Variants in EPPIN observed in about 807,000 individuals in gnomAD.
EPPIN encodes WAP four-disulfide core domain protein 7.
EPPIN carries 14 observed loss-of-function variants against 18.8 expected under a neutral mutation model. The ratio of observed to expected loss-of-function variants is 0.75; its 90% CI spans 0.49 to 1.17. The LOEUF (loss-of-function observed/expected upper bound fraction) is 1.17, where lower values mean the gene tolerates loss of function less well. Among genes scored for constraint, EPPIN ranks in the 50% most tolerant of loss-of-function variants. The pLI, the probability that EPPIN is intolerant of heterozygous loss-of-function variation, is 0.00. For missense variants in EPPIN, 143 were observed against 154.2 expected (o/e 0.93, Z 0.39); for synonymous variants, 57 against 54.8 (o/e 1.04, Z -0.18).
At chr20:45,545,598 G>C in intron 2 of EPPIN, 41 bp downstream of exon 2, 2 of 1,613,198 alleles carry the variant, frequency 1.2e-6, no homozygotes, top group South Asian at 1.1e-5. Flanking sequence ...GGTGAGGACA[G>C]GGGGAGGAGG....
rs115336187 is a variant in EPPIN, at chr20:45,545,530, T to C, written c.223+109A>G. 1.6e-3 allele frequency: 2,550 copies of C among 1,574,286 alleles called. 22 individuals are homozygous for C. The African/African-American group carries it at 0.018, about 11-fold the overall frequency. ...ATCGCAGGTCTCCCAAGTCCAGCAG[T>C]TTTGCCAGAGACCAGCCCTCAGCGA... On this transcript the variant is annotated intron_variant, in intron 2 of 3. Coordinates refer to ENST00000354280, the MANE Select transcript of EPPIN (RefSeq NM_020398.4).
At position 45,541,947 on chromosome 20, in the gene EPPIN, G is replaced by A. The variant is rs1979607662; in HGVS notation, c.*197C>T. On this transcript the variant is annotated 3_prime_UTR_variant, in exon 4 of 4. Coordinates refer to ENST00000354280, the MANE Select transcript of EPPIN (RefSeq NM_020398.4). ...GGGGACATAAAGATGAAATCAAAAC[G>A]GATGGATATTGTGCATCAAAAGAGC... 5.3e-6 allele frequency: 3 copies of A among 565,316 alleles called. No homozygotes were observed. Among genetic ancestry groups the A allele is most frequent in the South Asian group, 2.7e-5 (1 of 36,652 alleles). The allele number at this position is 565,316 out of a possible 1,614,324, so 35.0% of individuals were successfully genotyped here. A position where few individuals can be genotyped will look rare whatever the true frequency, so the allele number is the denominator to read the frequency against.
At chr20:45,546,614 A>C (rs972292804) in intron 1 of EPPIN, among the ~76,000 whole-genome samples, 4 of 152,166 alleles carry the variant, frequency 2.6e-5, no homozygotes, top group Non-Finnish European at 5.9e-5. Context: ...AGACCCATGA[A>C]ATTTAAGTAA....
chr20:45,541,900 A>C lies in EPPIN; in HGVS notation c.*244T>G. Reference sequence around the variant, plus strand: ...GAGAGTGACACAGGTATAAACTGGGAGTTCTAGAAGTTGGAGATAAAGGGG... The same window carrying C: ...GAGAGTGACACAGGTATAAACTGGGCGTTCTAGAAGTTGGAGATAAAGGGG... On this transcript the variant is annotated 3_prime_UTR_variant, in exon 4 of 4. Transcript: ENST00000354280. The C allele has an allele frequency of 2.0e-6, 1 of 503,766 alleles. No individual in the cohort carries two copies. The highest frequency in any genetic ancestry group is 3.6e-5 in the Admixed American group (1 of 27,926). The allele number at this position is 503,766 out of a possible 1,614,324, so 31.2% of individuals were successfully genotyped here. A position where few individuals can be genotyped will look rare whatever the true frequency, so the allele number is the denominator to read the frequency against.
chr20:45,545,858 A>G (rs1427404082), intron 1 of EPPIN, 88 bp from the exon 2 acceptor site: 2 of 1,559,474 alleles, frequency 1.3e-6, no homozygotes, highest in South Asian at 2.4e-5. Flanking sequence ...CTAGAGAGTC[A>G]GGGAAGTTTG....
chr20:45,544,496 T>A (rs1207512492), intron 2 of EPPIN: 1 of 152,232 alleles, frequency 6.6e-6, no homozygotes, highest in Non-Finnish European at 1.5e-5. Flanking sequence ...GAACTCAGGA[T>A]GGCTGAATTC....
chr20:45,544,449 A>C (rs921668541), intron 2 of EPPIN: 9 of 152,156 alleles, frequency 5.9e-5, no homozygotes, highest in African/African-American at 2.2e-4. Context: ...TAATTTATCC[A>C]AGACAAAAAG....
chr20:45,546,969 G>A (rs1331002350), intron 1 of EPPIN, among the ~76,000 whole-genome samples: 1 of 152,046 alleles, frequency 6.6e-6, no homozygotes, highest in East Asian at 1.9e-4. Context: ...AGGTCCCTTG[G>A]TTTCCCGGAT....
chr20:45,546,910 G>A (rs904037398), intron 1 of EPPIN, among the ~76,000 whole-genome samples: 4 of 152,158 alleles, frequency 2.6e-5, no homozygotes, highest in Admixed American at 2.6e-4. Context: ...AGAGTGGATA[G>A]AGATGATGCC....
chr20:45,546,345 T>G (rs922940718), intron 1 of EPPIN: 6 of 153,574 alleles, frequency 3.9e-5, no homozygotes, highest in Admixed American at 1.3e-4. Context: ...GTCTGAATTC[T>G]GACCCTCTCT....
chr20:45,541,489 A>T lies in EPPIN; in HGVS notation c.*655T>A, dbSNP rs570956628. The T allele has an allele frequency of 6.6e-6, 1 of 152,250 alleles. No individual in the cohort carries two copies. 9.4% of individuals were successfully genotyped at this position (152,250 alleles called of 1,614,324 possible). ...ATTGAGCCACAGTAGTAACCAGCTC[A>T]TAATAGACTCTTCTCTCTTCCCTTC... On this transcript the variant is annotated 3_prime_UTR_variant, in exon 4 of 4. Coordinates refer to ENST00000354280, the MANE Select transcript of EPPIN (RefSeq NM_020398.4).
chr20:45,542,792 T>A lies in EPPIN; in HGVS notation c.299A>T (p.Asn100Ile), dbSNP rs1318267331. 1 of 1,614,008 alleles carries A rather than the reference T, an allele frequency of 6.2e-7. No homozygotes were observed. ...ACCATAGACAAACATGGAGCAAGTA[T>A]TATCTTTCTTGTCATACCACCAATG... is the stretch of plus-strand genomic sequence containing the variant. ...FLHWWYDKKDNTCSMFVYGGC... is the reference protein window; with the variant it reads ...FLHWWYDKKDITCSMFVYGGC... Residue 100 changes from asparagine (N) to isoleucine (I), a missense_variant, in exon 3 of 4, where the codon AAT becomes ATT. By Grantham distance (149) the Asn-to-Ile change is moderately radical. Coordinates refer to ENST00000354280, the MANE Select transcript of EPPIN (RefSeq NM_020398.4).
chr20:45,542,296 A>G, intron 3 of EPPIN, 142 bp from the exon 4 acceptor site: 6 of 1,079,110 alleles, frequency 5.6e-6, no homozygotes, highest in Non-Finnish European at 7.9e-6. Context: ...ATCTCCTTCA[A>G]GGAAAAACAA....
At position 45,541,918 on chromosome 20, in the gene EPPIN, T is replaced by TA; in HGVS notation, c.*225dup. On this transcript the variant is annotated 3_prime_UTR_variant, in exon 4 of 4. Coordinates refer to ENST00000354280, the MANE Select transcript of EPPIN (RefSeq NM_020398.4). ...AACTGGGAGTTCTAGAAGTTGGAGATAAAGGGGACATAAAGATGAAATCAA... is the reference window on the plus strand; with the variant it reads ...AACTGGGAGTTCTAGAAGTTGGAGATAAAAGGGGACATAAAGATGAAATCAA... The TA allele has an allele frequency of 2.1e-5, 11 of 527,828 alleles. 1 individual carries two copies. In the South Asian group the frequency reaches 3.2e-4, roughly 15 times the overall value. 32.7% of individuals were successfully genotyped at this position (527,828 alleles called of 1,614,324 possible). A position where few individuals can be genotyped will look rare whatever the true frequency, so the allele number is the denominator to read the frequency against.
intron 1 of EPPIN, chr20:45,546,523 A>G (rs1048174972): frequency 2.6e-5 from 4 of 152,250 alleles, no homozygotes; most frequent in Non-Finnish European, 5.9e-5. Context: ...AGCATTTTAA[A>G]TGTATGATCT....
rs1293483067 is a variant in EPPIN at position 45,541,632 on chromosome 20, G to C, written c.*512C>G. 1 of 153,614 alleles carries C rather than the reference G, an allele frequency of 6.5e-6. No homozygotes were observed. Among genetic ancestry groups the C allele is most frequent in the African/African-American group, 2.4e-5 (1 of 41,432 alleles). 9.5% of individuals were successfully genotyped at this position (153,614 alleles called of 1,614,324 possible). On this transcript the variant is annotated 3_prime_UTR_variant, in exon 4 of 4. Transcript: ENST00000354280. Reference sequence around the variant, plus strand: ...TAGTTTCTAGAGGATCCAAACTAAGGCACTGTCCTTGGGCCCTTGCCTAAA... The same window carrying C: ...TAGTTTCTAGAGGATCCAAACTAAGCCACTGTCCTTGGGCCCTTGCCTAAA...
intron 1 of EPPIN, chr20:45,546,078 A>G: frequency 2.2e-6 from 1 of 461,724 alleles, no homozygotes. Flanking sequence ...GGATTGTAGG[A>G]TGTTTAGCAG....
chr20:45,540,655 C>A lies in EPPIN; in HGVS notation c.*1489G>T, dbSNP rs1206154336. 6.6e-6 allele frequency: 1 copy of A among 152,050 alleles called. No homozygotes were observed. The highest frequency in any genetic ancestry group is 1.5e-5 in the Non-Finnish European group (1 of 68,006). 9.4% of individuals were successfully genotyped at this position (152,050 alleles called of 1,614,324 possible). A position where few individuals can be genotyped will look rare whatever the true frequency, so the allele number is the denominator to read the frequency against. ...CAAAAGAAGACATTTATGCGGCCAACAAACATATGAAAAAAAGCTCAACAC... is the reference window on the plus strand; with the variant it reads ...CAAAAGAAGACATTTATGCGGCCAAAAAACATATGAAAAAAAGCTCAACAC... On this transcript the variant is annotated 3_prime_UTR_variant, in exon 4 of 4. Coordinates refer to ENST00000354280, the MANE Select transcript of EPPIN (RefSeq NM_020398.4).
chr20:45,547,162 G>A, intron 1 of EPPIN, 105 bp downstream of exon 1: 2 of 1,516,138 alleles, frequency 1.3e-6, no homozygotes, highest in Admixed American at 1.9e-5. Flanking sequence ...CCCGGGACCT[G>A]GGCTAAGATG....
Sources: gnomAD v4.1 joint callset for allele counts (sites outside exome capture counted in the v4.1 genomes callset) on GRCh38, gnomAD v4.1.1 for gene constraint, MANE v1.5 for transcripts, NCBI Gene and HGNC (gene_info 2026-07-23, HGNC 2026-07-21) for gene names.